The following CAMTA1 variants were observed in gnomAD, a reference collection of about 807,000 sequenced individuals.
The protein encoded by CAMTA1 is calmodulin-binding transcription activator 1.
CAMTA1 carries 27 observed loss-of-function variants against 170.9 expected under a neutral mutation model. The ratio of observed to expected loss-of-function variants is 0.16; its 90% confidence interval spans 0.12 to 0.22. The LOEUF is 0.22. Among genes scored for constraint, CAMTA1 ranks in the 10% least tolerant of loss-of-function variants. CAMTA1 has a pLI of 1.00. For synonymous variants in CAMTA1, 833 were observed against 891.5 expected (o/e 0.93, Z 1.17); for missense variants, 1,619 against 2,217.2 (o/e 0.73, Z 5.42).
intron 6 of CAMTA1, among the ~76,000 whole-genome samples, chr1:7,520,235 CCT>C (rs2094345649): frequency 1.8e-5 from 1 of 56,970 alleles, no homozygotes; most frequent in African/African-American, 8.6e-5. Flanking sequence ...CCTCCCTCCT[CCT>C]CTCCCCTCCT....
intron 4 of CAMTA1, among the ~76,000 whole-genome samples, chr1:7,229,568 A>G (rs1574048566): frequency 1.2e-4 from 5 of 40,124 alleles, no homozygotes; most frequent in South Asian, 1.3e-3. Context: ...GGAGAGGGGG[A>G]GAGGAGGGTG....
At chr1:7,211,312 G>T (rs1006445074) in intron 4 of CAMTA1, among the ~76,000 whole-genome samples, 1 of 152,174 alleles carries the variant, frequency 6.6e-6, no homozygotes, top group Non-Finnish European at 1.5e-5. Context: ...TTTGACCAGT[G>T]CATGCACCTG....
In CAMTA1 at chr1:6,901,478, C is replaced by T. The variant is rs917227631; in HGVS notation, c.234+76268C>T. On this transcript the variant is annotated intron_variant, in intron 3 of 22. Transcript: ENST00000303635. The stretch of plus-strand genomic sequence containing the variant: ...CTGGGAGGAACCTTTGTAAAACATA[C>T]GTCTAATAAGGGATCCATAATGTAT... Among the ~76,000 whole-genome samples, 19 of 152,098 alleles carry T rather than the reference C, an allele frequency of 1.2e-4. 1 individual carries two copies. Among genetic ancestry groups the T allele is most frequent in the Admixed American group, 1.2e-3 (18 of 15,264 alleles).
At chr1:7,730,928 C>CTCTCTCTATA (rs1478235304) in intron 11 of CAMTA1, among the ~76,000 whole-genome samples, 1 of 114,196 alleles carries the variant, frequency 8.8e-6, no homozygotes, top group African/African-American at 3.2e-5. Context: ...CTCTCTCTCT[C>CTCTCTCTATA]TATATATATA....
intron 3 of CAMTA1, among the ~76,000 whole-genome samples, chr1:7,023,154 A>G (rs1701596951): frequency 6.6e-6 from 1 of 152,232 alleles, no homozygotes; most frequent in Non-Finnish European, 1.5e-5. Context: ...GTTTCCTTCA[A>G]GAACGAGGGA....
chr1:7,235,225 C>T (rs1177541291), intron 4 of CAMTA1, among the ~76,000 whole-genome samples: 2 of 152,134 alleles, frequency 1.3e-5, no homozygotes, highest in Non-Finnish European at 2.9e-5. Context: ...TCTCCTCTTG[C>T]TTGGTTGTTC....
intron 4 of CAMTA1, among the ~76,000 whole-genome samples, chr1:7,194,564 C>T (rs1655157095): frequency 1.3e-5 from 2 of 152,192 alleles, no homozygotes; most frequent in Non-Finnish European, 2.9e-5. Context: ...ATGATTTCTA[C>T]AGATGATCTT....
rs1673571740 is a variant in CAMTA1 at position 6,887,563 on chromosome 1, C to G, written c.234+62353C>G. On this transcript the variant is annotated intron_variant, in intron 3 of 22. Coordinates refer to ENST00000303635, the MANE Select transcript of CAMTA1 (RefSeq NM_015215.4). This position sits in a 1 kb window ranked among gnomAD's most constrained non-coding sequence, Gnocchi z 4.1. The stretch of plus-strand genomic sequence containing the variant: ...CCTTTACCCAGATGTCTCCTCCTCT[C>G]TCTGCCTCTGGAAATGGGGCAAATT... 9 of 1,515,268 alleles carry G rather than the reference C, an allele frequency of 5.9e-6. No homozygotes were observed. The highest frequency in any genetic ancestry group is 7.9e-6 in the Non-Finnish European group (9 of 1,135,552). 93.9% of individuals were successfully genotyped at this position (1,515,268 alleles called of 1,614,324 possible).
chr1:7,414,295 C>T (rs1461801947), intron 5 of CAMTA1, among the ~76,000 whole-genome samples: 6 of 152,134 alleles, frequency 3.9e-5, no homozygotes, highest in Non-Finnish European at 8.8e-5. Flanking sequence ...GGAGGATTCC[C>T]TCTTTTTCTA....
At position 7,586,229 on chromosome 1, in the gene CAMTA1, C is replaced by A. The variant is rs566503611; in HGVS notation, c.511-54171C>A. Among the ~76,000 whole-genome samples the A allele has an allele frequency of 2.0e-5, 3 of 152,220 alleles. No homozygotes were observed. In the East Asian group the frequency reaches 5.8e-4, roughly 29 times the overall value. ...CCTGCAGCTGCATCTCAGGGCCCAG[C>A]GGTGGGGATCCGCACTTGAGTTTAA... On this transcript the variant is annotated intron_variant, in intron 6 of 22. Transcript: ENST00000303635.
chr1:7,336,479 C>T (rs955606735), intron 5 of CAMTA1, among the ~76,000 whole-genome samples: 3 of 152,190 alleles, frequency 2.0e-5, no homozygotes, highest in South Asian at 2.1e-4. Flanking sequence ...CCTTCCAGAA[C>T]GGAGCAAGTT....
At chr1:7,653,571 T>C (rs1411412150) in intron 7 of CAMTA1, among the ~76,000 whole-genome samples, 2 of 152,206 alleles carry the variant, frequency 1.3e-5, no homozygotes, top group South Asian at 2.1e-4. Context: ...TTTTTTCTTT[T>C]TGGAGTCAAC....
intron 3 of CAMTA1, among the ~76,000 whole-genome samples, chr1:7,025,590 GAA>G (rs1701915057): frequency 6.6e-6 from 1 of 152,186 alleles, no homozygotes; most frequent in South Asian, 2.1e-4. Flanking sequence ...GCCGGGGAGA[GAA>G]AGCTGAATAA....
In CAMTA1 at chr1:7,744,900, T is replaced by A. The variant is rs1475446997; in HGVS notation, c.4248T>A (p.Asn1416Lys). The change falls in exon 17 of 23, where the codon AAT (asparagine) becomes AAA (lysine). Residue 1416 changes from asparagine to lysine, a missense_variant. Coordinates refer to ENST00000303635, the MANE Select transcript of CAMTA1 (RefSeq NM_015215.4). ...EATPDRIKQENFVPMESSGLE... is the reference protein window; with the variant it reads ...EATPDRIKQEKFVPMESSGLE... The stretch of plus-strand genomic sequence containing the variant: ...CACCTGACCGAATCAAGCAGGAGAA[T>A]TTTGTGCCCATGGAGTCCTCAGGAT... 6.2e-7 allele frequency: 1 copy of A among 1,613,914 alleles called. No homozygotes were observed. Among genetic ancestry groups the A allele is most frequent in the East Asian group, 2.2e-5 (1 of 44,860 alleles).
At chr1:7,246,228 G>A (rs1347985310) in intron 4 of CAMTA1, among the ~76,000 whole-genome samples, 2 of 152,184 alleles carry the variant, frequency 1.3e-5, no homozygotes, top group African/African-American at 2.4e-5. Flanking sequence ...GGCTAGAATG[G>A]TTTGATTATA....
rs1167668243 is a variant in CAMTA1, at chr1:7,144,356, C to T, written c.302+52985C>T. Among the ~76,000 whole-genome samples, 2 of 152,056 alleles carry T rather than the reference C, an allele frequency of 1.3e-5. No homozygotes were observed. The highest frequency in any genetic ancestry group is 1.9e-4 in the East Asian group (1 of 5,184). ...GAGTCTCTTTTCGTTCTAAGGCCAC[C>T]AATTCTATTGGATACAGACCCTATC... On this transcript the variant is annotated intron_variant, in intron 4 of 22. Coordinates refer to ENST00000303635, the MANE Select transcript of CAMTA1 (RefSeq NM_015215.4). The surrounding 1 kb of genome is among the most constrained non-coding windows in gnomAD (Gnocchi z 4.0).
chr1:7,190,523 A>G (rs1456597019), intron 4 of CAMTA1, among the ~76,000 whole-genome samples: 1 of 152,236 alleles, frequency 6.6e-6, no homozygotes, highest in African/African-American at 2.4e-5. Context: ...AAATAGGCAG[A>G]GTTAGTTGAC....
chr1:7,103,557 A>G (rs1643058773), intron 4 of CAMTA1, among the ~76,000 whole-genome samples: 1 of 30,058 alleles, frequency 3.3e-5, no homozygotes, highest in Non-Finnish European at 6.3e-5. Context: ...CACACTACAC[A>G]CATACACACA....
chr1:7,527,840 T>G (rs1439562905), intron 6 of CAMTA1, among the ~76,000 whole-genome samples: 1 of 152,194 alleles, frequency 6.6e-6, no homozygotes, highest in Non-Finnish European at 1.5e-5. Context: ...CCTGTACCTA[T>G]CTGTTCTCTC....
Sources: gnomAD v4.1 joint callset for allele counts (sites outside exome capture counted in the v4.1 genomes callset) on GRCh38, gnomAD v4.1.1 for gene constraint, Gnocchi (gnomAD v3.1) non-coding constraint, MANE v1.5 for transcripts, NCBI Gene and HGNC (gene_info 2026-07-23, HGNC 2026-07-21) for gene names.